Variants in CLEC17A observed in about 807,000 individuals in gnomAD.
The protein encoded by CLEC17A is C-type lectin domain containing 17A, also known as C-type lectin domain family 17, member A.
A neutral mutation model predicts 61.3 loss-of-function variants in CLEC17A; 37 were observed. The observed-to-expected ratio is 0.60, with a 90% CI of 0.46 to 0.79. The LOEUF (loss-of-function observed/expected upper bound fraction) is 0.79, where lower values mean the gene tolerates loss of function less well. Among genes scored for constraint, CLEC17A ranks in the 30% least tolerant of loss-of-function variants. The probability of loss-of-function intolerance (pLI) is 0.00; values close to 1 mark genes in which losing one functional copy is unlikely to be tolerated. For synonymous variants in CLEC17A, 168 were observed against 164.9 expected, an observed-to-expected ratio of 1.02 and a Z score of -0.14; for missense variants, 418 against 464.7, an observed-to-expected ratio of 0.90 and a Z score of 0.92.
chr19:14,595,662 C>T (rs981528073), intron 8 of CLEC17A, among the ~76,000 whole-genome samples: 7 of 139,018 alleles, frequency 5.0e-5, no homozygotes, highest in South Asian at 2.4e-4. Flanking sequence ...GTGGTAGTAA[C>T]GATGGTAGAG....
chr19:14,607,024 G>A lies in CLEC17A; in HGVS notation c.926G>A (p.Arg309Gln), dbSNP rs1353497994. ...NFVAKAHGSP[R>Q]VYWLGLNDRA... is the part of the protein sequence containing the mutation. Reference sequence around the variant, plus strand: ...GTGGCCAAGGCCCATGGCTCTCCACGGGTGTACTGGCTGGGGCTGAATGAC... The same window carrying A: ...GTGGCCAAGGCCCATGGCTCTCCACAGGTGTACTGGCTGGGGCTGAATGAC... The change falls in exon 13 of 14, where the codon CGG (arginine) becomes CAG (glutamine). Residue 309 changes from arginine to glutamine, a missense_variant. By Grantham distance (43) the Arg-to-Gln change is conservative (BLOSUM62 1). Transcript: ENST00000417570. The A allele has an allele frequency of 3.4e-5, 45 of 1,320,560 alleles. No homozygotes were observed. Among genetic ancestry groups the A allele is most frequent in the Non-Finnish European group, 4.3e-5 (44 of 1,029,678 alleles). 81.8% of individuals were successfully genotyped at this position (1,320,560 alleles called of 1,614,324 possible). A position where few individuals can be genotyped will look rare whatever the true frequency, so the allele number is the denominator to read the frequency against.
chr19:14,592,951 C>A (rs1008710965), intron 4 of CLEC17A, among the ~76,000 whole-genome samples: 2 of 152,050 alleles, frequency 1.3e-5, no homozygotes, highest in African/African-American at 4.8e-5. Context: ...CAGGTGTGAG[C>A]CACCACGCCT....
At chr19:14,598,266 G>A (rs1419261194) in intron 10 of CLEC17A, among the ~76,000 whole-genome samples, 1 of 151,722 alleles carries the variant, frequency 6.6e-6, no homozygotes, top group Non-Finnish European at 1.5e-5. Flanking sequence ...GACCAGCCTG[G>A]GCACAGCAAG....
chr19:14,587,485 T>C, intron 2 of CLEC17A, 129 bp from the exon 3 acceptor site: 4 of 1,340,192 alleles, frequency 3.0e-6, no homozygotes, highest in Non-Finnish European at 4.1e-6. Context: ...AGGCTGGGGC[T>C]GGGGCCCAGG....
chr19:14,587,833 A>G, intron 3 of CLEC17A, 142 bp downstream of exon 3: 2 of 1,506,656 alleles, frequency 1.3e-6, no homozygotes, highest in Non-Finnish European at 1.8e-6. Flanking sequence ...CACCCTGCCC[A>G]GGAGGACCTG....
rs1568466082 is a variant in CLEC17A at position 14,610,342 on chromosome 19, C to T, written c.*146C>T. On this transcript the variant is annotated 3_prime_UTR_variant, in exon 14 of 14. Transcript: ENST00000417570. ...TTGGCACCCTGGATGCAGCAAGTTC[C>T]CAGGGGTGCAAGTCAGGCTGTTTCT... 1.1e-5 allele frequency: 13 copies of T among 1,142,550 alleles called. No homozygotes were observed. Among genetic ancestry groups the T allele is most frequent in the South Asian group, 3.1e-5 (2 of 65,216 alleles). 70.8% of individuals were successfully genotyped at this position (1,142,550 alleles called of 1,614,324 possible). A position where few individuals can be genotyped will look rare whatever the true frequency, so the allele number is the denominator to read the frequency against.
At chr19:14,584,372 G>A (rs1373472546) in intron 2 of CLEC17A, 1 of 152,102 alleles carries the variant, frequency 6.6e-6, no homozygotes, top group Non-Finnish European at 1.5e-5. Flanking sequence ...TCCAGCTTGG[G>A]CAGCATAGCG....
chr19:14,585,163 C>A (rs1478416805), intron 2 of CLEC17A, among the ~76,000 whole-genome samples: 3 of 152,266 alleles, frequency 2.0e-5, no homozygotes, highest in African/African-American at 7.2e-5. Context: ...TGAGAGGAAA[C>A]CAGAGAATTT....
At chr19:14,584,084 T>TA (rs34911246) in intron 2 of CLEC17A, 1 of 75,306 alleles carries the variant, frequency 1.3e-5, no homozygotes, top group African/African-American at 1.3e-4. Flanking sequence ...AAAAAAAAAA[T>TA]AGAGGTTTGG....
intron 13 of CLEC17A, among the ~76,000 whole-genome samples, chr19:14,608,690 G>C (rs921110307): frequency 6.9e-6 from 1 of 144,158 alleles, no homozygotes; most frequent in Non-Finnish European, 1.5e-5. Flanking sequence ...CTGAAGTGCA[G>C]TGGTGCAGTC....
intron 12 of CLEC17A, among the ~76,000 whole-genome samples, chr19:14,600,891 CTTTTTT>C (rs71166763): frequency 7.9e-5 from 5 of 63,218 alleles, no homozygotes; most frequent in East Asian, 1.1e-3. Context: ...GCTCGGCCTT[CTTTTTT>C]TTTTTTTTTT....
At chr19:14,585,949 T>G (rs1425334181) in intron 2 of CLEC17A, among the ~76,000 whole-genome samples, 1 of 151,706 alleles carries the variant, frequency 6.6e-6, no homozygotes, top group African/African-American at 2.4e-5. Context: ...GGGGGAATAC[T>G]TAACACCTAT....
chr19:14,603,280 G>T (rs570567227), intron 12 of CLEC17A, among the ~76,000 whole-genome samples: 2 of 152,212 alleles, frequency 1.3e-5, no homozygotes, highest in African/African-American at 4.8e-5. Context: ...CACACATCGG[G>T]TCTTTGCTGT....
chr19:14,594,922 A>G, intron 7 of CLEC17A, 122 bp downstream of exon 7: 1 of 1,005,354 alleles, frequency 9.9e-7, no homozygotes, highest in East Asian at 2.6e-5. Flanking sequence ...TCCAGGCTGG[A>G]GTGCAGTGGT....
At chr19:14,590,547 C>T (rs556569187) in intron 3 of CLEC17A, among the ~76,000 whole-genome samples, 1 of 152,104 alleles carries the variant, frequency 6.6e-6, no homozygotes, top group African/African-American at 2.4e-5. Flanking sequence ...GCCACCGTGC[C>T]CGGCTAATTT....
chr19:14,600,534 A>T (rs1197462455), intron 12 of CLEC17A, among the ~76,000 whole-genome samples: 1 of 152,056 alleles, frequency 6.6e-6, no homozygotes, highest in Non-Finnish European at 1.5e-5. Flanking sequence ...TGCAATCCTC[A>T]CGACAACCTA....
chr19:14,596,345 G>A (rs974672785), intron 8 of CLEC17A, among the ~76,000 whole-genome samples: 1 of 152,138 alleles, frequency 6.6e-6, no homozygotes, highest in Non-Finnish European at 1.5e-5. Flanking sequence ...TAGGAAGGAT[G>A]TAGGTTGGGT....
At chr19:14,602,974 A>G (rs929557817) in intron 12 of CLEC17A, among the ~76,000 whole-genome samples, 1 of 152,036 alleles carries the variant, frequency 6.6e-6, no homozygotes, top group African/African-American at 2.4e-5. Context: ...ACCTCAGGTG[A>G]TCCACCTGCC....
At chr19:14,605,091 G>C (rs1354736128) in intron 12 of CLEC17A, among the ~76,000 whole-genome samples, 1 of 150,774 alleles carries the variant, frequency 6.6e-6, no homozygotes, top group East Asian at 1.9e-4. Context: ...CCAGCACTTT[G>C]ACCTCCCCAC....
Sources: allele counts gnomAD v4.1 joint callset (sites outside exome capture counted in the v4.1 genomes callset), GRCh38; gene constraint gnomAD v4.1.1; transcripts MANE v1.5; gene names NCBI Gene and HGNC (gene_info 2026-07-23, HGNC 2026-07-21).